The following NRG3 variants were observed in gnomAD, a reference collection of about 807,000 sequenced individuals.
The protein encoded by NRG3 is neuregulin 3, also known as pro-neuregulin-3, membrane-bound isoform.
In NRG3, 31 loss-of-function variants were observed where a neutral mutation model predicts 66.9. The ratio of observed to expected loss-of-function variants is 0.46; its 90% CI spans 0.35 to 0.63. The LOEUF (loss-of-function observed/expected upper bound fraction) is 0.63. NRG3 is among the 20% of genes least tolerant of loss of function. NRG3 has a pLI of 0.00. For missense variants in NRG3, 910 were observed against 878.9 expected (o/e 1.04, Z -0.45); for synonymous variants, 393 against 359.4 (o/e 1.09, Z -1.06).
At chr10:82,823,793 A>G (rs1337517107) in intron 3 of NRG3, among the ~76,000 whole-genome samples, 1 of 152,188 alleles carries the variant, frequency 6.6e-6, no homozygotes, top group Admixed American at 6.5e-5. Context: ...TTGCAGCTGC[A>G]TTACAGTTCA....
intron 2 of NRG3, among the ~76,000 whole-genome samples, chr10:82,729,398 G>A (rs1303821045): frequency 1.3e-5 from 2 of 151,892 alleles, no homozygotes; most frequent in Non-Finnish European, 2.9e-5. Flanking sequence ...TCCTCCAAGG[G>A]GCCACCATAT....
At chr10:82,357,177 T>C (rs942829920) in intron 1 of NRG3, among the ~76,000 whole-genome samples, 8 of 152,184 alleles carry the variant, frequency 5.3e-5, no homozygotes, top group Admixed American at 5.2e-4. Context: ...AATAGAATGA[T>C]AGTTGAAAAT....
intron 1 of NRG3, among the ~76,000 whole-genome samples, chr10:82,267,614 A>G (rs2078367917): frequency 6.6e-6 from 1 of 152,210 alleles, no homozygotes; most frequent in Non-Finnish European, 1.5e-5. Flanking sequence ...CACAGATGGA[A>G]TGACTATTAT....
intron 1 of NRG3, among the ~76,000 whole-genome samples, chr10:81,987,810 A>G (rs1375859976): frequency 6.6e-6 from 1 of 152,122 alleles, no homozygotes; most frequent in Non-Finnish European, 1.5e-5. Context: ...CCTTTTATGG[A>G]TGGGGAAAGT....
intron 1 of NRG3, among the ~76,000 whole-genome samples, chr10:82,115,234 C>A (rs896934027): frequency 6.6e-6 from 1 of 152,048 alleles, no homozygotes; most frequent in Non-Finnish European, 1.5e-5. Flanking sequence ...TGCTTTCTTC[C>A]TATTTACTGA....
At chr10:82,266,570 A>G (rs908692596) in intron 1 of NRG3, among the ~76,000 whole-genome samples, 3 of 152,182 alleles carry the variant, frequency 2.0e-5, no homozygotes, top group African/African-American at 7.2e-5. Context: ...AGACTGTTCA[A>G]CTATGTCTCA....
intron 1 of NRG3, among the ~76,000 whole-genome samples, chr10:81,931,829 T>A (rs1847376802): frequency 6.6e-6 from 1 of 152,154 alleles, no homozygotes; most frequent in African/African-American, 2.4e-5. Context: ...CATGCACTTT[T>A]AAGAAACCAG....
intron 1 of NRG3, among the ~76,000 whole-genome samples, chr10:82,215,357 C>T (rs767176830): frequency 2.0e-4 from 30 of 151,782 alleles, no homozygotes; most frequent in Non-Finnish European, 3.8e-4. Flanking sequence ...AGTTTTAATC[C>T]ACTTTTTGCT....
chr10:82,894,709 G>C (rs1157469187), intron 4 of NRG3, among the ~76,000 whole-genome samples: 1 of 151,916 alleles, frequency 6.6e-6, no homozygotes, highest in Non-Finnish European at 1.5e-5. Flanking sequence ...CAACTATCAG[G>C]CTCCATAAGT....
At chr10:82,147,059 A>G (rs2132715486) in intron 1 of NRG3, among the ~76,000 whole-genome samples, 1 of 152,322 alleles carries the variant, frequency 6.6e-6, no homozygotes, top group Non-Finnish European at 1.5e-5. Flanking sequence ...ACTTTGTCAG[A>G]GTTCTTCAGG....
chr10:82,662,554 A>G (rs1343254253), intron 2 of NRG3, among the ~76,000 whole-genome samples: 1 of 152,184 alleles, frequency 6.6e-6, no homozygotes. Flanking sequence ...ACAGTCAATC[A>G]TAGTTCAAAT....
At chr10:82,676,783 C>T (rs1009617233) in intron 2 of NRG3, among the ~76,000 whole-genome samples, 2 of 151,992 alleles carry the variant, frequency 1.3e-5, no homozygotes, top group South Asian at 2.1e-4. Flanking sequence ...CGCCCAGCCT[C>T]TATTTGTTAT....
At chr10:82,188,936 G>T (rs1415506377) in intron 1 of NRG3, among the ~76,000 whole-genome samples, 1 of 151,896 alleles carries the variant, frequency 6.6e-6, no homozygotes, top group Non-Finnish European at 1.5e-5. Flanking sequence ...AAATGCAATT[G>T]GATTTTTTGT....
At chr10:82,326,625 G>T (rs1354584935) in intron 1 of NRG3, among the ~76,000 whole-genome samples, 1 of 151,928 alleles carries the variant, frequency 6.6e-6, no homozygotes, top group Non-Finnish European at 1.5e-5. Flanking sequence ...CTATTGCTAT[G>T]TACCCAAGAC....
intron 1 of NRG3, among the ~76,000 whole-genome samples, chr10:82,330,556 G>A (rs926800555): frequency 6.6e-6 from 1 of 152,040 alleles, no homozygotes; most frequent in Admixed American, 6.5e-5. Context: ...TAGATATATG[G>A]CAATACAGAT....
intron 1 of NRG3, among the ~76,000 whole-genome samples, chr10:82,103,186 G>T (rs2066866599): frequency 6.6e-6 from 1 of 152,056 alleles, no homozygotes; most frequent in African/African-American, 2.4e-5. Flanking sequence ...CATAGTTTCT[G>T]ATGAAAAATT....
Position 82,325,219 on chromosome 10 carries a change from T to TCTGGAG in NRG3, c.824-33520_824-33519insCTGGAG, listed in dbSNP as rs1172325584. Among the ~76,000 whole-genome samples the TCTGGAG allele has an allele frequency of 2.0e-5, 3 of 152,064 alleles. No homozygotes were observed. In the East Asian group the frequency reaches 5.8e-4, roughly 29 times the overall value. Reference sequence around the variant, plus strand: ...TTTTTGGAGACAGGTTTTCACACCGTTGCCCAGGCTGGAGTGCAGTGGTGA... The same window carrying TCTGGAG: ...TTTTTGGAGACAGGTTTTCACACCGTCTGGAGTGCCCAGGCTGGAGTGCAGTGGTGA... On this transcript the variant is annotated intron_variant, in intron 1 of 8. Coordinates refer to ENST00000372141, the MANE Select transcript of NRG3 (RefSeq NM_001010848.4).
chr10:82,459,972 T>G (rs1289693225), intron 2 of NRG3, among the ~76,000 whole-genome samples: 1 of 152,244 alleles, frequency 6.6e-6, no homozygotes, highest in African/African-American at 2.4e-5. Flanking sequence ...AATTGAGTAA[T>G]GGCAAGGTCA....
intron 5 of NRG3, among the ~76,000 whole-genome samples, chr10:82,953,609 G>A (rs1329954561): frequency 6.6e-6 from 1 of 151,880 alleles, no homozygotes; most frequent in Non-Finnish European, 1.5e-5. Flanking sequence ...GTGTCTCTTA[G>A]CCTTGGTTCC....
Sources: allele counts gnomAD v4.1 joint callset (sites outside exome capture counted in the v4.1 genomes callset), GRCh38; gene constraint gnomAD v4.1.1; transcripts MANE v1.5; gene names NCBI Gene and HGNC (gene_info 2026-07-23, HGNC 2026-07-21).